The following UTY variants were observed in gnomAD, a reference collection of about 807,000 sequenced individuals.
UTY encodes the protein ubiquitously transcribed tetratricopeptide repeat containing, Y-linked.
A neutral mutation model predicts 32.5 loss-of-function variants in UTY; 12 were observed. That is an observed-to-expected ratio of 0.37 (90% CI 0.24 to 0.60). UTY has a LOEUF of 0.60. Among genes scored for constraint, UTY ranks in the 20% least tolerant of loss-of-function variants. UTY has a pLI of 0.69. For missense variants in UTY, 303 were observed against 299.2 expected, an observed-to-expected ratio of 1.01 and a Z score of -0.09; for synonymous variants, 131 against 103.4, an observed-to-expected ratio of 1.27 and a Z score of -1.62.
chrY:13,421,007 C>T, intron 4 of UTY, among the ~76,000 whole-genome samples: 2 of 33,111 alleles, frequency 6.0e-5, no homozygotes, highest in African/African-American at 2.4e-4. Context: ...TGACAAAGGT[C>T]TCCATAAGGA....
chrY:13,440,364 G>A, intron 4 of UTY, among the ~76,000 whole-genome samples: 1 of 33,723 alleles, frequency 3.0e-5, no homozygotes, highest in East Asian at 7.7e-4. Context: ...TGCTCTTCTA[G>A]TAATATTTGC....
Position 13,337,857 on chromosome Y carries a change from C to A in UTY, c.2062-1522G>T, listed in dbSNP as rs376740053. 2.5e-4 allele frequency among the ~76,000 whole-genome samples: 8 copies of A among 32,204 alleles called. No individual in the cohort carries two copies. The East Asian group carries it at 5.6e-3, about 22-fold the overall frequency. The allele number at this position is 32,204 out of a possible 37,273, so 86.4% of individuals were successfully genotyped here. Reference sequence around the variant, plus strand: ...ATGCTGGAATAATCAAATATCCTTACGCAAAATGGATATTCTCACACAATG... The same window carrying A: ...ATGCTGGAATAATCAAATATCCTTAAGCAAAATGGATATTCTCACACAATG... On this transcript the variant is annotated intron_variant, in intron 17 of 29. Transcript: ENST00000545955.
At chrY:13,405,048 G>A (rs2069655277) in intron 6 of UTY, among the ~76,000 whole-genome samples, 1 of 32,282 alleles carries the variant, frequency 3.1e-5, no homozygotes, top group South Asian at 6.8e-4. Flanking sequence ...AAGAAAATCC[G>A]ATATATATGT....
intron 8 of UTY, among the ~76,000 whole-genome samples, chrY:13,388,392 C>G: frequency 5.9e-5 from 2 of 33,874 alleles, no homozygotes; most frequent in Admixed American, 5.4e-4. Context: ...GATACACCCT[C>G]CCCTGTTTTC....
chrY:13,431,173 A>G (rs1603460736), intron 4 of UTY, among the ~76,000 whole-genome samples: 1 of 33,067 alleles, frequency 3.0e-5, no homozygotes, highest in Non-Finnish European at 7.5e-5. Flanking sequence ...AAGTTTTTGG[A>G]CATATATAAT....
At chrY:13,439,690 A>G in intron 4 of UTY, among the ~76,000 whole-genome samples, 1 of 33,083 alleles carries the variant, frequency 3.0e-5, no homozygotes, top group East Asian at 7.8e-4. Flanking sequence ...TACTCACCCT[A>G]TGAAATTCTG....
chrY:13,338,193 CTTT>C (rs1294869004), intron 17 of UTY, among the ~76,000 whole-genome samples: 1 of 22,040 alleles, frequency 4.5e-5, no homozygotes. Flanking sequence ...TTATTTTCTT[CTTT>C]TTTTTTTTTT....
intron 27 of UTY, among the ~76,000 whole-genome samples, chrY:13,279,513 G>T (rs2056880633): frequency 3.0e-5 from 1 of 33,414 alleles, no homozygotes; most frequent in Non-Finnish European, 7.4e-5. Flanking sequence ...CTTCCAAAGG[G>T]CTGGGATTAC....
chrY:13,402,459 A>C (rs2069240942), intron 6 of UTY, among the ~76,000 whole-genome samples: 4 of 33,936 alleles, frequency 1.2e-4, no homozygotes, highest in African/African-American at 4.6e-4. Flanking sequence ...TGTAGCAATT[A>C]TCCCAAAAGA....
chrY:13,393,931 G>A, intron 7 of UTY, 38 bp from the exon 8 acceptor site: 1 of 314,925 alleles, frequency 3.2e-6, no homozygotes, highest in Non-Finnish European at 4.4e-6. Context: ...TTACAATACA[G>A]TCTAATGTAA....
intron 4 of UTY, among the ~76,000 whole-genome samples, chrY:13,436,796 A>G (rs1043132279): frequency 3.6e-3 from 117 of 32,868 alleles, no homozygotes; most frequent in Non-Finnish European, 7.9e-3. Flanking sequence ...GGACACCCAG[A>G]TCAATTTCCA....
intron 21 of UTY, among the ~76,000 whole-genome samples, chrY:13,320,090 A>G (rs2059729537): frequency 3.0e-5 from 1 of 33,312 alleles, no homozygotes; most frequent in Non-Finnish European, 7.4e-5. Context: ...CAAAAACGAC[A>G]TATTTGGCTT....
chrY:13,330,650 C>A, intron 18 of UTY, among the ~76,000 whole-genome samples: 1 of 33,177 alleles, frequency 3.0e-5, no homozygotes, highest in Non-Finnish European at 7.5e-5. Context: ...TGCCCAAAAC[C>A]CAAGAGAAAC....
intron 17 of UTY, among the ~76,000 whole-genome samples, chrY:13,339,664 G>C (rs2061361625): frequency 3.0e-5 from 1 of 33,642 alleles, no homozygotes; most frequent in Non-Finnish European, 7.4e-5. Flanking sequence ...GTGTGTGAAA[G>C]AGACGGTCTC....
intron 10 of UTY, among the ~76,000 whole-genome samples, chrY:13,365,841 A>G (rs2064092843): frequency 3.0e-5 from 1 of 32,879 alleles, no homozygotes; most frequent in African/African-American, 1.2e-4. Context: ...CTGAAAGACT[A>G]ATTGGGAACT....
intron 3 of UTY, among the ~76,000 whole-genome samples, chrY:13,452,518 G>GA (rs2150099033): frequency 3.0e-5 from 1 of 33,660 alleles, no homozygotes; most frequent in African/African-American, 1.2e-4. Flanking sequence ...AAAGAACAAT[G>GA]AAAAAAGGAA....
chrY:13,287,341 T>C, intron 27 of UTY: 1 of 373,333 alleles, frequency 2.7e-6, no homozygotes, highest in Non-Finnish European at 3.8e-6. Context: ...GAAGCAGAGA[T>C]TGATGCTCAT....
intron 3 of UTY, among the ~76,000 whole-genome samples, chrY:13,455,496 C>T (rs1603469935): frequency 3.0e-5 from 1 of 33,058 alleles, no homozygotes; most frequent in Non-Finnish European, 7.4e-5. Flanking sequence ...ACTTCCAACA[C>T]GAAGGACATG....
intron 27 of UTY, among the ~76,000 whole-genome samples, chrY:13,288,619 C>A (rs2057571996): frequency 6.2e-5 from 2 of 32,255 alleles, no homozygotes; most frequent in Admixed American, 2.9e-4. Flanking sequence ...AATGAATGGC[C>A]CCCTGAATCA....
Sources: allele counts gnomAD v4.1 joint callset (sites outside exome capture counted in the v4.1 genomes callset), GRCh38; gene constraint gnomAD v4.1.1; transcripts MANE v1.5; gene names NCBI Gene and HGNC (gene_info 2026-07-23, HGNC 2026-07-21).